L3MBTL4: variants seen among roughly 807,000 people sequenced by gnomAD.
The protein encoded by L3MBTL4 is L3MBTL histone methyl-lysine binding protein 4.
In L3MBTL4, 70 loss-of-function variants were observed where a neutral mutation model predicts 84.5. That is an observed-to-expected ratio of 0.83 (90% CI 0.68 to 1.01). The LOEUF (loss-of-function observed/expected upper bound fraction) is 1.01, where lower values mean the gene tolerates loss of function less well. Among genes scored for constraint, L3MBTL4 ranks in the 50% least tolerant of loss-of-function variants. L3MBTL4 has a pLI of 0.00. For synonymous variants in L3MBTL4, 274 were observed against 259.8 expected (o/e 1.05, Z -0.52); for missense variants, 715 against 754.8 (o/e 0.95, Z 0.62).
chr18:6,211,423 A>T (rs2046098612), intron 12 of L3MBTL4, among the ~76,000 whole-genome samples: 1 of 152,208 alleles, frequency 6.6e-6, no homozygotes, highest in African/African-American at 2.4e-5. Context: ...AGAGAATAAC[A>T]GAACAATATG....
intron 16 of L3MBTL4, among the ~76,000 whole-genome samples, chr18:6,075,872 C>A (rs971905019): frequency 2.6e-5 from 4 of 152,052 alleles, no homozygotes; most frequent in Admixed American, 6.6e-5. Flanking sequence ...TTCAAATAGC[C>A]AATAAACATG....
intron 15 of L3MBTL4, 59 bp downstream of exon 15, chr18:6,093,296 G>T: frequency 7.6e-7 from 1 of 1,308,810 alleles, no homozygotes; most frequent in Non-Finnish European, 1.0e-6. Flanking sequence ...TAACAAAATT[G>T]TTCTTTTACT....
At position 5,959,665 on chromosome 18, in the gene L3MBTL4, T is replaced by G. The variant is rs150708599; in HGVS notation, c.1677+429A>C. Among the ~76,000 whole-genome samples, 6 of 152,186 alleles carry G rather than the reference T, an allele frequency of 3.9e-5. No homozygotes were observed. The East Asian group carries it at 9.7e-4, about 25-fold the overall frequency. On this transcript the variant is annotated intron_variant, in intron 18 of 18. Transcript: ENST00000317931. ...AATCCCCAATCTTTCCCAGGTGCAA[T>G]CCCAAGGGAGGATTCCTGCCTTCCC...
intron 1 of L3MBTL4, among the ~76,000 whole-genome samples, chr18:6,314,768 ACTGT>A (rs2051008800): frequency 6.6e-6 from 1 of 152,216 alleles, no homozygotes; most frequent in African/African-American, 2.4e-5. Flanking sequence ...AAAATAATTC[ACTGT>A]CTGTCTATGT....
intron 14 of L3MBTL4, among the ~76,000 whole-genome samples, chr18:6,095,352 T>C (rs1409294332): frequency 6.8e-6 from 1 of 147,082 alleles, no homozygotes; most frequent in East Asian, 1.9e-4. Flanking sequence ...CATGGTTTTT[T>C]TTTTTTTTTT....
intron 12 of L3MBTL4, among the ~76,000 whole-genome samples, chr18:6,192,210 G>A (rs1306930877): frequency 6.6e-6 from 1 of 152,094 alleles, no homozygotes; most frequent in Non-Finnish European, 1.5e-5. Context: ...TTAAATGGCA[G>A]CAGAAAAATG....
intron 5 of L3MBTL4, chr18:6,259,205 C>G (rs918116619): frequency 6.6e-6 from 1 of 152,228 alleles, no homozygotes; most frequent in Admixed American, 6.5e-5. Flanking sequence ...AGAGAGACAA[C>G]CCATGAGAAG....
intron 15 of L3MBTL4, among the ~76,000 whole-genome samples, chr18:6,085,103 AGTTTGC>A (rs2058215579): frequency 6.6e-6 from 1 of 152,252 alleles, no homozygotes; most frequent in Non-Finnish European, 1.5e-5. Context: ...CAGTATGTTT[AGTTTGC>A]AAATAAAAAG....
At chr18:6,090,323 C>A (rs1417028118) in intron 15 of L3MBTL4, among the ~76,000 whole-genome samples, 10 of 151,894 alleles carry the variant, frequency 6.6e-5, no homozygotes, top group Admixed American at 6.6e-4. Context: ...AAAATGTGAA[C>A]ATAAATAGAC....
chr18:6,383,606 T>A (rs1318227680), intron 1 of L3MBTL4, among the ~76,000 whole-genome samples: 1 of 152,184 alleles, frequency 6.6e-6, no homozygotes, highest in African/African-American at 2.4e-5. Flanking sequence ...GGCGACGCCC[T>A]GCCCTGTTTC....
At chr18:6,003,084 TAAAA>T (rs2054295770) in intron 16 of L3MBTL4, among the ~76,000 whole-genome samples, 4 of 98,484 alleles carry the variant, frequency 4.1e-5, no homozygotes, top group African/African-American at 4.5e-5. Flanking sequence ...AGATACTATA[TAAAA>T]TATAGTATCT....
rs965266588 is a variant in L3MBTL4, at chr18:6,012,567, A to C, written c.1445-43005T>G. On this transcript the variant is annotated intron_variant, in intron 16 of 18. Transcript: ENST00000317931. ...AGTCTGGGCGCAGTGGCTCATGCCT[A>C]TAATCCCAGCACTTTGGGAGGACAA... Among the ~76,000 whole-genome samples, 10 of 152,152 alleles carry C rather than the reference A, an allele frequency of 6.6e-5. No homozygotes were observed. In the East Asian group the frequency reaches 9.7e-4, roughly 15 times the overall value.
At chr18:6,063,565 A>C (rs375751259) in intron 16 of L3MBTL4, among the ~76,000 whole-genome samples, 5 of 151,604 alleles carry the variant, frequency 3.3e-5, no homozygotes, top group South Asian at 4.2e-4. Flanking sequence ...CCATTCTTGC[A>C]GGAGTAAGGT....
intron 10 of L3MBTL4, among the ~76,000 whole-genome samples, chr18:6,226,463 A>T (rs1314333114): frequency 3.3e-5 from 5 of 152,156 alleles, no homozygotes; most frequent in Non-Finnish European, 7.3e-5. Context: ...ATAATCTAAA[A>T]CAAATACGGT....
At chr18:6,392,982 C>G (rs1467998514) in intron 1 of L3MBTL4, among the ~76,000 whole-genome samples, 1 of 152,022 alleles carries the variant, frequency 6.6e-6, no homozygotes, top group East Asian at 1.9e-4. Context: ...ACAATGTATA[C>G]TATTTGGCTT....
chr18:6,067,117 G>C (rs1235683229), intron 16 of L3MBTL4, among the ~76,000 whole-genome samples: 1 of 152,198 alleles, frequency 6.6e-6, no homozygotes, highest in East Asian at 1.9e-4. Context: ...GGAAGCCAAA[G>C]ATAGGACCCC....
intron 18 of L3MBTL4, among the ~76,000 whole-genome samples, chr18:5,958,965 AT>A (rs1360853308): frequency 1.3e-5 from 2 of 152,158 alleles, no homozygotes; most frequent in African/African-American, 4.8e-5. Flanking sequence ...AGTAGACTGT[AT>A]GTGTGAACGT....
At chr18:6,294,439 T>C (rs907601067) in intron 4 of L3MBTL4, among the ~76,000 whole-genome samples, 7 of 152,306 alleles carry the variant, frequency 4.6e-5, no homozygotes, top group Admixed American at 3.9e-4. Context: ...GTAATTATGC[T>C]GAGCAAAAAT....
At chr18:6,130,535 C>T (rs1240333976) in intron 14 of L3MBTL4, among the ~76,000 whole-genome samples, 2 of 152,298 alleles carry the variant, frequency 1.3e-5, no homozygotes, top group African/African-American at 4.8e-5. Context: ...CTGTGTCCCA[C>T]ACAGGAGTTC....
Sources: allele counts gnomAD v4.1 joint callset (sites outside exome capture counted in the v4.1 genomes callset), GRCh38; gene constraint gnomAD v4.1.1; transcripts MANE v1.5; gene names NCBI Gene and HGNC (gene_info 2026-07-23, HGNC 2026-07-21).